The following SLC25A37 variants were observed in gnomAD, a reference collection of about 807,000 sequenced individuals.
SLC25A37 encodes solute carrier family 25 member 37.
In SLC25A37, 17 loss-of-function variants were observed where a neutral mutation model predicts 31.0. The observed-to-expected ratio is 0.55, with a 90% CI of 0.38 to 0.82. The LOEUF (loss-of-function observed/expected upper bound fraction) is 0.82, where lower values mean the gene tolerates loss of function less well. SLC25A37 is among the 40% of genes least tolerant of loss of function. SLC25A37 has a pLI of 0.00. For synonymous variants in SLC25A37, 222 were observed against 193.0 expected (o/e 1.15, Z -1.24); for missense variants, 404 against 465.8 (o/e 0.87, Z 1.22).
At chr8:23,550,882 TG>T (rs928380387) in intron 1 of SLC25A37, among the ~76,000 whole-genome samples, 4 of 152,232 alleles carry the variant, frequency 2.6e-5, no homozygotes, top group African/African-American at 9.6e-5. Context: ...AGGGCTGCTG[TG>T]GAGCATGGGC....
At chr8:23,570,321 T>C (rs1037926542) in intron 3 of SLC25A37, among the ~76,000 whole-genome samples, 1 of 150,634 alleles carries the variant, frequency 6.6e-6, no homozygotes, top group Non-Finnish European at 1.5e-5. Flanking sequence ...TTAAGTAAAC[T>C]GACCTGCCTT....
rs540950017 is a variant in SLC25A37, at chr8:23,572,203, T to TAAAAAAAAAAAAAAAAAAAAAAAAAAA, written c.*367_*393dup. On this transcript the variant is annotated 3_prime_UTR_variant, in exon 4 of 4. Coordinates refer to ENST00000519973, the MANE Select transcript of SLC25A37 (RefSeq NM_016612.4). ...GAAAATTTGCAGTGACTGAAAACAG[T>TAAAAAAAAAAAAAAAAAAAAAAAAAAA]AAAAAAAAAAAAAAAAAAAAAAAAA... 1 of 85,756 alleles carries TAAAAAAAAAAAAAAAAAAAAAAAAAAA rather than the reference T, an allele frequency of 1.2e-5. No individual in the cohort carries two copies. The highest frequency in any genetic ancestry group is 6.5e-5 in the African/African-American group (1 of 15,276). The allele number at this position is 85,756 out of a possible 1,614,324, so 5.3% of individuals were successfully genotyped here.
In SLC25A37 at chr8:23,571,894, T is replaced by C. The variant is rs746692547; in HGVS notation, c.*39T>C. On this transcript the variant is annotated 3_prime_UTR_variant, in exon 4 of 4. Transcript: ENST00000519973. ...AGAATCTTTTCTTAAAGTCATTCTCTGCCTGCATCCAGCCCCTTGCCCTCT... is the reference window on the plus strand; with the variant it reads ...AGAATCTTTTCTTAAAGTCATTCTCCGCCTGCATCCAGCCCCTTGCCCTCT... 12 of 1,592,870 alleles carry C rather than the reference T, an allele frequency of 7.5e-6. No individual in the cohort carries two copies. The East Asian group carries it at 2.5e-4, about 33-fold the overall frequency.
At chr8:23,540,991 T>C (rs1801880217) in intron 1 of SLC25A37, among the ~76,000 whole-genome samples, 1 of 152,208 alleles carries the variant, frequency 6.6e-6, no homozygotes, top group Non-Finnish European at 1.5e-5. Flanking sequence ...AAATCCAGGC[T>C]CTCATTCCAG....
At position 23,540,846 on chromosome 8, in the gene SLC25A37, A is replaced by G. The variant is rs113835730; in HGVS notation, c.210+11634A>G. ...CCCTGGCAGGTCCGCTTACGCATGT[A>G]GTGAGAAAATACAGGCAGGCTTGCA... On this transcript the variant is annotated intron_variant, in intron 1 of 3. Transcript: ENST00000519973. 1.7e-3 allele frequency among the ~76,000 whole-genome samples: 252 copies of G among 152,324 alleles called. 2 individuals carry two copies. The highest frequency in any genetic ancestry group is 3.8e-3 in the Admixed American group (58 of 15,304).
At chr8:23,561,119 AAAG>A (rs1211611395) in intron 1 of SLC25A37, among the ~76,000 whole-genome samples, 1 of 152,230 alleles carries the variant, frequency 6.6e-6, no homozygotes, top group Non-Finnish European at 1.5e-5. Context: ...TTGGGAACAA[AAAG>A]AAGGTCAGTT....
At chr8:23,536,362 C>T (rs1344015951) in intron 1 of SLC25A37, among the ~76,000 whole-genome samples, 1 of 152,198 alleles carries the variant, frequency 6.6e-6, no homozygotes, top group Non-Finnish European at 1.5e-5. Context: ...CCCCTGCTTC[C>T]TGGCTTTTGC....
rs779237228 is a variant in SLC25A37, at chr8:23,529,071, T to TGGC, written c.79_81dup (p.Gly27dup). On this transcript the variant is annotated inframe_insertion, in exon 1 of 4. Transcript: ENST00000519973. This position sits in a 1 kb window ranked among gnomAD's most constrained non-coding sequence, Gnocchi z 4.1. ...GGAGGATGGATGGGGACAGCCGAGATGGCGGCGGCGGCAAGGACGCCACCG... is the reference window on the plus strand; with the variant it reads ...GGAGGATGGATGGGGACAGCCGAGATGGCGGCGGCGGCGGCAAGGACGCCACCG... 1.3e-6 allele frequency: 2 copies of TGGC among 1,594,106 alleles called. No homozygotes were observed. Among genetic ancestry groups the TGGC allele is most frequent in the Admixed American group, 1.7e-5 (1 of 57,198 alleles).
chr8:23,538,547 T>TGTGTGTGTGTGTG (rs1563251552), intron 1 of SLC25A37, among the ~76,000 whole-genome samples: 2 of 145,542 alleles, frequency 1.4e-5, no homozygotes, highest in East Asian at 2.0e-4. Flanking sequence ...GTGTGTGTGT[T>TGTGTGTGTGTGTG]TGTGTGTGTG....
Position 23,548,473 on chromosome 8 carries a change from C to T in SLC25A37, c.211-17635C>T, listed in dbSNP as rs191110568. Among the ~76,000 whole-genome samples, 214 of 136,922 alleles carry T rather than the reference C, an allele frequency of 1.6e-3. 3 individuals are homozygous for T. The East Asian group carries it at 0.029, about 19-fold the overall frequency. The allele number at this position is 136,922 out of a possible 152,430, so 89.8% of individuals were successfully genotyped here. Reference sequence around the variant, plus strand: ...GATTACAGGCGTGAGCCACCACGTCCGGGCTTTTTTTTTTTTTTTTTTTAG... The same window carrying T: ...GATTACAGGCGTGAGCCACCACGTCTGGGCTTTTTTTTTTTTTTTTTTTAG... On this transcript the variant is annotated intron_variant, in intron 1 of 3. Transcript: ENST00000519973.
chr8:23,529,171 A>T lies in SLC25A37; in HGVS notation c.169A>T (p.Ile57Phe), dbSNP rs1267698766. The change falls in exon 1 of 4, where the codon ATC becomes TTC. Residue 57 changes from isoleucine (I) to phenylalanine (F), a missense_variant. By Grantham distance (21) the Ile-to-Phe change is conservative. Transcript: ENST00000519973. The surrounding 1 kb of genome is among the most constrained non-coding windows in gnomAD (Gnocchi z 4.1). ...THMTAGAMAG[I>F]LEHSVMYPVD... ...CATGACAGCAGGAGCGATGGCCGGG[A>T]TCCTGGAGCACTCGGTCATGTACCC... 1.9e-6 allele frequency: 3 copies of T among 1,611,216 alleles called. No individual in the cohort carries two copies. Among genetic ancestry groups the T allele is most frequent in the African/African-American group, 1.3e-5 (1 of 74,528 alleles).
intron 1 of SLC25A37, among the ~76,000 whole-genome samples, chr8:23,565,281 A>T (rs1802622205): frequency 6.6e-6 from 1 of 152,208 alleles, no homozygotes; most frequent in East Asian, 1.9e-4. Flanking sequence ...ACTGTGGCTC[A>T]TCCAGGCTGA....
At chr8:23,532,525 T>G (rs1801681229) in intron 1 of SLC25A37, among the ~76,000 whole-genome samples, 2 of 152,092 alleles carry the variant, frequency 1.3e-5, no homozygotes, top group African/African-American at 4.8e-5. Context: ...CCAACCAGAT[T>G]AGGCACACCA....
intron 1 of SLC25A37, among the ~76,000 whole-genome samples, chr8:23,546,591 ATATATAGTG>A (rs1408298614): frequency 0.04 from 3,131 of 77,712 alleles, 85 homozygotes; most frequent in Admixed American, 0.049. Flanking sequence ...TAGTGTATAT[ATATATAGTG>A]TATGTGTGTG....
At chr8:23,553,279 A>G (rs978858600) in intron 1 of SLC25A37, among the ~76,000 whole-genome samples, 1 of 152,018 alleles carries the variant, frequency 6.6e-6, no homozygotes, top group Non-Finnish European at 1.5e-5. Context: ...AAAATTAGCC[A>G]TGTGTGGTAG....
intron 1 of SLC25A37, among the ~76,000 whole-genome samples, chr8:23,547,086 A>G (rs1212112614): frequency 6.6e-6 from 1 of 152,202 alleles, no homozygotes; most frequent in Non-Finnish European, 1.5e-5. Flanking sequence ...TTTCTGATAA[A>G]TCAATCATAA....
intron 1 of SLC25A37, among the ~76,000 whole-genome samples, chr8:23,543,875 A>G (rs11135746): frequency 0.38 from 56,875 of 151,154 alleles, 12,333 homozygotes; most frequent in East Asian, 0.62. Context: ...TTTTTTTGTT[A>G]TTGAGACGGA....
intron 1 of SLC25A37, among the ~76,000 whole-genome samples, chr8:23,537,195 CAAA>C (rs71550712): frequency 6.8e-5 from 8 of 117,252 alleles, no homozygotes; most frequent in African/African-American, 1.4e-4. Flanking sequence ...GACCCTGTCT[CAAA>C]AAAAAAAAAA....
chr8:23,573,269 G>T lies in SLC25A37; in HGVS notation c.*1414G>T, dbSNP rs1033389063. On this transcript the variant is annotated 3_prime_UTR_variant, in exon 4 of 4. Coordinates refer to ENST00000519973, the MANE Select transcript of SLC25A37 (RefSeq NM_016612.4). The stretch of plus-strand genomic sequence containing the variant: ...TGCGTCACCCGAGAACACAGGCTTC[G>T]CAGCCTCGCTTTCTGAAATGGTGTG... 2 of 153,044 alleles carry T rather than the reference G, an allele frequency of 1.3e-5. No individual in the cohort carries two copies. Among genetic ancestry groups the T allele is most frequent in the African/African-American group, 4.8e-5 (2 of 41,446 alleles). 9.5% of individuals were successfully genotyped at this position (153,044 alleles called of 1,614,324 possible).
Sources: gnomAD v4.1 joint callset for allele counts (sites outside exome capture counted in the v4.1 genomes callset) on GRCh38, gnomAD v4.1.1 for gene constraint, Gnocchi (gnomAD v3.1) non-coding constraint, MANE v1.5 for transcripts, NCBI Gene and HGNC (gene_info 2026-07-23, HGNC 2026-07-21) for gene names.